The following OPCML variants were observed in gnomAD, a reference collection of about 807,000 sequenced individuals.
The protein encoded by OPCML is opioid binding protein/cell adhesion molecule like.
Under a neutral mutation model 37.8 loss-of-function variants are expected in OPCML, and 13 were observed. The observed-to-expected ratio is 0.34, with a 90% CI of 0.22 to 0.55. The LOEUF is 0.55. Among genes scored for constraint, OPCML ranks in the 20% least tolerant of loss-of-function variants. The pLI, the probability that OPCML is intolerant of heterozygous loss-of-function variation, is 0.91. For missense variants in OPCML, 341 were observed against 435.6 expected (o/e 0.78, Z 1.93); for synonymous variants, 176 against 168.8 (o/e 1.04, Z -0.33).
At chr11:132,628,698 A>C (rs1002572727) in intron 3 of OPCML, among the ~76,000 whole-genome samples, 4 of 152,106 alleles carry the variant, frequency 2.6e-5, no homozygotes, top group Admixed American at 2.0e-4. Context: ...CTCATCTTGA[A>C]TTGTAGTTCT....
At chr11:132,636,509 G>T (rs1464179678) in intron 3 of OPCML, among the ~76,000 whole-genome samples, 1 of 152,202 alleles carries the variant, frequency 6.6e-6, no homozygotes, top group Non-Finnish European at 1.5e-5. Context: ...TGGATCCATT[G>T]CACCACAGTG....
At chr11:133,418,840 A>G (rs1257194697) in intron 1 of OPCML, among the ~76,000 whole-genome samples, 1 of 152,152 alleles carries the variant, frequency 6.6e-6, no homozygotes, top group Non-Finnish European at 1.5e-5. Flanking sequence ...AGATAACATC[A>G]CTATTTTAGA....
At chr11:133,362,840 C>T (rs1944454098) in intron 1 of OPCML, among the ~76,000 whole-genome samples, 1 of 151,958 alleles carries the variant, frequency 6.6e-6, no homozygotes, top group African/African-American at 2.4e-5. Context: ...CCTTCTGCCC[C>T]GCTAGAGTTG....
intron 1 of OPCML, among the ~76,000 whole-genome samples, chr11:132,963,590 C>CAAA (rs956752290): frequency 3.1e-5 from 3 of 98,012 alleles, no homozygotes; most frequent in Admixed American, 1.1e-4. Context: ...GACTGGGTCT[C>CAAA]AAAAAAAAAA....
At chr11:133,264,250 G>A (rs914059651) in intron 1 of OPCML, among the ~76,000 whole-genome samples, 6 of 152,124 alleles carry the variant, frequency 3.9e-5, no homozygotes, top group African/African-American at 9.7e-5. Flanking sequence ...CTGATGCTGC[G>A]GAAAAATGAC....
At chr11:132,552,761 C>CCCTTTTTTTTTTTTTTTTT (rs1337627753) in intron 3 of OPCML, among the ~76,000 whole-genome samples, 4 of 67,478 alleles carry the variant, frequency 5.9e-5, no homozygotes, top group Admixed American at 2.9e-4. Flanking sequence ...TTAAACACTA[C>CCCTTTTTTTTTTTTTTTTT]TCTTTTTTTT....
intron 1 of OPCML, among the ~76,000 whole-genome samples, chr11:133,107,735 C>T (rs745343075): frequency 2.7e-4 from 41 of 152,310 alleles, no homozygotes; most frequent in Non-Finnish European, 4.1e-4. Context: ...CCTTGAAGTG[C>T]TTTCATGAAA....
chr11:133,348,997 C>T (rs542217132), intron 1 of OPCML, among the ~76,000 whole-genome samples: 4 of 152,230 alleles, frequency 2.6e-5, no homozygotes, highest in Admixed American at 1.3e-4. Context: ...CATAGGGGTG[C>T]GGGGGCTTCG....
At chr11:132,936,805 GAA>G (rs1945391801) in intron 2 of OPCML, among the ~76,000 whole-genome samples, 1 of 152,118 alleles carries the variant, frequency 6.6e-6, no homozygotes, top group South Asian at 2.1e-4. Context: ...GGATCAAGAT[GAA>G]AAGAGTGCAC....
chr11:132,617,724 A>G (rs949266294), intron 3 of OPCML, among the ~76,000 whole-genome samples: 2 of 152,248 alleles, frequency 1.3e-5, no homozygotes, highest in African/African-American at 4.8e-5. Context: ...CTTCTCTTGT[A>G]GACAGTGCCA....
intron 4 of OPCML, among the ~76,000 whole-genome samples, chr11:132,453,438 C>T (rs562137950): frequency 6.6e-6 from 1 of 152,286 alleles, no homozygotes; most frequent in East Asian, 1.9e-4. Flanking sequence ...CATTTCATTC[C>T]CAGGGGCATC....
At chr11:132,734,606 A>G (rs1204664635) in intron 2 of OPCML, among the ~76,000 whole-genome samples, 2 of 152,240 alleles carry the variant, frequency 1.3e-5, no homozygotes, top group African/African-American at 4.8e-5. Flanking sequence ...TGAAACACTT[A>G]TCTAACTTAT....
Position 132,804,765 on chromosome 11 carries a change from G to GTAATTGAGC in OPCML, c.146+138152_146+138160dup, listed in dbSNP as rs536005601. Among the ~76,000 whole-genome samples the GTAATTGAGC allele has an allele frequency of 4.5e-4, 69 of 152,302 alleles. 1 individual carries two copies. The South Asian group carries it at 6.4e-3, about 14-fold the overall frequency. ...CTAGTTAGACCAGTGTGATCAGCCA[G>GTAATTGAGC]TAATTGAGCTGCTTGTTAAAACAAG... On this transcript the variant is annotated intron_variant, in intron 2 of 7. Transcript: ENST00000524381.
intron 1 of OPCML, among the ~76,000 whole-genome samples, chr11:133,247,855 C>T (rs899524707): frequency 3.9e-5 from 6 of 152,092 alleles, no homozygotes; most frequent in South Asian, 2.1e-4. Context: ...GGTGATCACC[C>T]GCTTTGGTCT....
chr11:133,124,997 G>T (rs1170294694), intron 1 of OPCML, among the ~76,000 whole-genome samples: 1 of 152,128 alleles, frequency 6.6e-6, no homozygotes, highest in East Asian at 1.9e-4. Flanking sequence ...CATATGGGTT[G>T]GGAATTCATA....
chr11:132,863,801 T>TAA (rs1942408132), intron 2 of OPCML, among the ~76,000 whole-genome samples: 1 of 152,220 alleles, frequency 6.6e-6, no homozygotes, highest in Non-Finnish European at 1.5e-5. Context: ...GGTTCCCCAC[T>TAA]CAGTCTGTTA....
chr11:132,576,791 TACTA>T (rs1453374127), intron 3 of OPCML, among the ~76,000 whole-genome samples: 1 of 152,154 alleles, frequency 6.6e-6, no homozygotes, highest in Non-Finnish European at 1.5e-5. Context: ...CTAGAAATTC[TACTA>T]ACTCTTTCCC....
intron 4 of OPCML, among the ~76,000 whole-genome samples, chr11:132,487,331 C>G (rs1449778421): frequency 6.6e-6 from 1 of 152,202 alleles, no homozygotes; most frequent in Non-Finnish European, 1.5e-5. Flanking sequence ...TCATTGCCTC[C>G]CGGGTCCTAT....
intron 1 of OPCML, among the ~76,000 whole-genome samples, chr11:133,340,007 G>A (rs1414184540): frequency 6.6e-6 from 1 of 152,152 alleles, no homozygotes; most frequent in African/African-American, 2.4e-5. Flanking sequence ...CTCAAACCAT[G>A]CATCTCTGCT....
Sources: allele counts gnomAD v4.1 joint callset (sites outside exome capture counted in the v4.1 genomes callset), GRCh38; gene constraint gnomAD v4.1.1; transcripts MANE v1.5; gene names NCBI Gene and HGNC (gene_info 2026-07-23, HGNC 2026-07-21).